Variants in BRAF observed in about 807,000 individuals in gnomAD.
The protein encoded by BRAF is B-Raf proto-oncogene, serine/threonine kinase.
In BRAF, 16 loss-of-function variants were observed where a neutral mutation model predicts 104.6. The observed-to-expected ratio is 0.15, with a 90% confidence interval of 0.10 to 0.23. The LOEUF (loss-of-function observed/expected upper bound fraction) is 0.23. Ranked by LOEUF, BRAF falls within the 10% of genes least tolerant of loss-of-function variation. BRAF has a pLI of 1.00. For missense variants in BRAF, 541 were observed against 937.3 expected, an observed-to-expected ratio of 0.58 and a Z score of 5.52; for synonymous variants, 310 against 341.6, an observed-to-expected ratio of 0.91 and a Z score of 1.02.
chr7:140,720,394 A>T lies in BRAF; in HGVS notation c.*6100T>A. ...CACAGAGACATACACCCCTGTATGT[A>T]AACTAACATAACATGAAGATAAATA... On this transcript the variant is annotated 3_prime_UTR_variant, in exon 20 of 20. Coordinates refer to ENST00000644969, the MANE Select transcript of BRAF (RefSeq NM_001374258.1). 1 of 1,062,164 alleles carries T rather than the reference A, an allele frequency of 9.4e-7. No homozygotes were observed. Among genetic ancestry groups the T allele is most frequent in the South Asian group, 4.6e-5 (1 of 21,948 alleles). 65.8% of individuals were successfully genotyped at this position (1,062,164 alleles called of 1,614,324 possible).
intron 1 of BRAF, among the ~76,000 whole-genome samples, chr7:140,902,240 T>C (rs948266392): frequency 1.3e-5 from 2 of 152,224 alleles, no homozygotes; most frequent in Admixed American, 1.3e-4. Flanking sequence ...TGCTGTCTAT[T>C]TTAGTGTTCT....
intron 2 of BRAF, among the ~76,000 whole-genome samples, chr7:140,840,791 T>C (rs1303441289): frequency 6.7e-6 from 1 of 150,190 alleles, no homozygotes; most frequent in East Asian, 2.1e-4. Flanking sequence ...CTTGGCTCAC[T>C]GCAACTTCCG....
chr7:140,870,590 C>G (rs551615385), intron 1 of BRAF, among the ~76,000 whole-genome samples: 1 of 149,894 alleles, frequency 6.7e-6, no homozygotes, highest in Non-Finnish European at 1.5e-5. Context: ...TTTTTACTTC[C>G]AAGTCTCTAG....
Position 140,919,430 on chromosome 7 carries a change from T to C in BRAF, c.138+5136A>G, listed in dbSNP as rs10235706. 5.5e-3 allele frequency among the ~76,000 whole-genome samples: 839 copies of C among 152,174 alleles called. 6 individuals are homozygous for C. Among genetic ancestry groups the C allele is most frequent in the African/African-American group, 0.019 (798 of 41,536 alleles). On this transcript the variant is annotated intron_variant, in intron 1 of 19. Coordinates refer to ENST00000644969, the MANE Select transcript of BRAF (RefSeq NM_001374258.1). Reference sequence around the variant, plus strand: ...GGGCATTGAGTTCCCTCTATATGCATAGTCTTGATACAGGAAGGAATTAGA... The same window carrying C: ...GGGCATTGAGTTCCCTCTATATGCACAGTCTTGATACAGGAAGGAATTAGA...
At chr7:140,802,011 A>G (rs1231245117) in intron 5 of BRAF, among the ~76,000 whole-genome samples, 1 of 152,186 alleles carries the variant, frequency 6.6e-6, no homozygotes, top group Non-Finnish European at 1.5e-5. Context: ...AAAAACTACT[A>G]ATAAAAATAT....
chr7:140,753,393 T>A lies in BRAF; in HGVS notation c.1862A>T (p.Asn621Ile), dbSNP rs121913370. Residue 621 changes from asparagine to isoleucine, a missense_variant and splice_region_variant, in exon 16 of 20, where the codon AAT becomes ATT. Physicochemically the swap from Asn to Ile is moderately radical, Grantham distance 149 (BLOSUM62 -3). Around this residue, in one of 10 missense-constraint regions of BRAF, gnomAD observed 129 missense variants for 285.8 expected, o/e 0.45. Transcript: ENST00000644969. ...SIIHRDLKSNNIFLHEDLTVK... is the reference protein window; with the variant it reads ...SIIHRDLKSNIIFLHEDLTVK... ...TGTGAGGTCTTCATGAAGAAATATA[T>A]CTGAGGTGTAGTAAGTAAAGGAAAA... 2 of 1,573,800 alleles carry A rather than the reference T, an allele frequency of 1.3e-6. No individual in the cohort carries two copies. Among genetic ancestry groups the A allele is most frequent in the Non-Finnish European group, 1.7e-6 (2 of 1,143,670 alleles).
At chr7:140,872,071 C>A (rs1047324717) in intron 1 of BRAF, among the ~76,000 whole-genome samples, 1 of 152,018 alleles carries the variant, frequency 6.6e-6, no homozygotes, top group Non-Finnish European at 1.5e-5. Context: ...CAAAATTAGC[C>A]GGTTGTGGTG....
intron 8 of BRAF, among the ~76,000 whole-genome samples, chr7:140,789,674 GAATAT>G (rs1801751891): frequency 1.3e-5 from 2 of 152,288 alleles, no homozygotes; most frequent in South Asian, 4.1e-4. Flanking sequence ...AATTGCATAA[GAATAT>G]AATAAAAGAG....
intron 8 of BRAF, among the ~76,000 whole-genome samples, chr7:140,792,177 C>G (rs1802036143): frequency 6.6e-6 from 1 of 152,186 alleles, no homozygotes. Context: ...TTTCTCAGCA[C>G]CAATGCTATT....
chr7:140,885,094 C>T (rs934689772), intron 1 of BRAF, among the ~76,000 whole-genome samples: 1 of 152,060 alleles, frequency 6.6e-6, no homozygotes, highest in Non-Finnish European at 1.5e-5. Context: ...CTTGGCCTCC[C>T]AGGTTCAAGC....
At chr7:140,833,918 T>C (rs1458828291) in intron 3 of BRAF, 1 of 152,132 alleles carries the variant, frequency 6.6e-6, no homozygotes, top group Non-Finnish European at 1.5e-5. Flanking sequence ...CAATGACCAA[T>C]TGCACTTTTG....
intron 1 of BRAF, among the ~76,000 whole-genome samples, chr7:140,880,942 A>C (rs1812831184): frequency 6.6e-6 from 1 of 152,202 alleles, no homozygotes; most frequent in Non-Finnish European, 1.5e-5. Context: ...CCTGGGCAAG[A>C]ATGAGACCCT....
At chr7:140,867,164 A>C (rs1811058183) in intron 1 of BRAF, among the ~76,000 whole-genome samples, 1 of 152,148 alleles carries the variant, frequency 6.6e-6, no homozygotes, top group South Asian at 2.1e-4. Context: ...TGGGACTATT[A>C]TTACCCCTAT....
chr7:140,718,125 C>T (rs572467006), downstream of BRAF, among the ~76,000 whole-genome samples: 4 of 152,200 alleles, frequency 2.6e-5, no homozygotes, highest in Non-Finnish European at 5.9e-5. Flanking sequence ...GACAGAGTCT[C>T]GCTCTGTTGC....
Position 140,724,297 on chromosome 7 carries a change from GTCTC to G in BRAF, c.*2193_*2196del, listed in dbSNP as rs1008924815. The stretch of plus-strand genomic sequence containing the variant: ...AACACATCCTCTTGTTCAAGCCCAG[GTCTC>G]TCTACCTGCGGAAACTTGAAGCCAA... On this transcript the variant is annotated 3_prime_UTR_variant, in exon 20 of 20. Transcript: ENST00000644969. 7.6e-6 allele frequency: 8 copies of G among 1,057,410 alleles called. No individual in the cohort carries two copies. The African/African-American group carries it at 1.2e-4, about 15-fold the overall frequency. The allele number at this position is 1,057,410 out of a possible 1,614,324, so 65.5% of individuals were successfully genotyped here.
At chr7:140,742,576 C>T (rs1353154621) in intron 17 of BRAF, among the ~76,000 whole-genome samples, 8 of 152,198 alleles carry the variant, frequency 5.3e-5, no homozygotes, top group Admixed American at 5.2e-4. Flanking sequence ...TGCCAGAGAA[C>T]CACTCAAGTG....
intron 1 of BRAF, among the ~76,000 whole-genome samples, chr7:140,917,042 A>C (rs1289646808): frequency 1.3e-5 from 2 of 152,250 alleles, no homozygotes; most frequent in East Asian, 1.9e-4. Context: ...AATTTGATAA[A>C]TGTGAAACAA....
At chr7:140,713,722 T>TC in the BRAF span, among the ~76,000 whole-genome samples, 1 of 152,306 alleles carries the variant, frequency 6.6e-6, no homozygotes, top group Middle Eastern at 3.4e-3. Flanking sequence ...CTCTGTTTTT[T>TC]CCCCATCTTT....
rs1040325596 is a variant in BRAF, at chr7:140,724,627, A to T, written c.*1867T>A. On this transcript the variant is annotated 3_prime_UTR_variant, in exon 20 of 20. Coordinates refer to ENST00000644969, the MANE Select transcript of BRAF (RefSeq NM_001374258.1). ...AATAGGCTTTCTTCTGAATACATGT[A>T]TGTTAGCAAAAATCTAATGGTAGTG... 6.8e-6 allele frequency: 7 copies of T among 1,036,336 alleles called. No individual in the cohort carries two copies. Among genetic ancestry groups the T allele is most frequent in the Non-Finnish European group, 8.1e-6 (7 of 860,826 alleles). 64.2% of individuals were successfully genotyped at this position (1,036,336 alleles called of 1,614,324 possible).
Sources: gnomAD v4.1 joint callset for allele counts (sites outside exome capture counted in the v4.1 genomes callset) on GRCh38, gnomAD v4.1.1 for gene constraint, gnomAD v4.1.1 regional missense constraint, MANE v1.5 for transcripts, NCBI Gene and HGNC (gene_info 2026-07-23, HGNC 2026-07-21) for gene names.